PCDHGB5: variants seen among roughly 807,000 people sequenced by gnomAD.
PCDHGB5 encodes protocadherin gamma subfamily B, 5, also known as protocadherin gamma-B5.
PCDHGB5 carries 48 observed loss-of-function variants against 62.9 expected under a neutral mutation model. The observed-to-expected ratio is 0.76, with a 90% CI of 0.61 to 0.97. The LOEUF (loss-of-function observed/expected upper bound fraction) is 0.97, where lower values mean the gene tolerates loss of function less well. Among genes scored for constraint, PCDHGB5 ranks in the 50% least tolerant of loss-of-function variants. The pLI is 0.00. For missense variants in PCDHGB5, 1,118 were observed against 1,198.6 expected (o/e 0.93, Z 0.99); for synonymous variants, 474 against 511.2 (o/e 0.93, Z 0.98).
At chr5:141,448,707 G>A (rs1455790773) in intron 1 of PCDHGB5, among the ~76,000 whole-genome samples, 4 of 152,228 alleles carry the variant, frequency 2.6e-5, no homozygotes, top group South Asian at 2.1e-4. Flanking sequence ...TTGGGAGGCC[G>A]AGGCGGGAGG....
At chr5:141,421,824 A>G in intron 1 of PCDHGB5, 1 of 1,613,768 alleles carries the variant, frequency 6.2e-7, no homozygotes, top group Non-Finnish European at 8.5e-7. Flanking sequence ...TACTGGAGGG[A>G]AGCCTGGACC....
At position 141,486,783 on chromosome 5, in the gene PCDHGB5, C is replaced by A. The variant is rs905423670; in HGVS notation, c.2398-8024C>A. ...CAGACACTGCAGTTTGAGGTGCAGG[C>A]CCGGGATCGGGGCAACCCACCCCTT... On this transcript the variant is annotated intron_variant, in intron 1 of 3. Transcript: ENST00000617380. The surrounding 1 kb of genome is among the most constrained non-coding windows in gnomAD (Gnocchi z 5.0). 6.2e-7 allele frequency: 1 copy of A among 1,614,102 alleles called. No homozygotes were observed.
intron 1 of PCDHGB5, among the ~76,000 whole-genome samples, chr5:141,444,014 T>C (rs2098414038): frequency 6.6e-6 from 1 of 152,122 alleles, no homozygotes; most frequent in Admixed American, 6.6e-5. Flanking sequence ...GGGTATTGGC[T>C]TCTAAAAGGA....
At chr5:141,442,253 G>A (rs910914393) in intron 1 of PCDHGB5, 2 of 153,064 alleles carry the variant, frequency 1.3e-5, no homozygotes, top group Non-Finnish European at 2.9e-5. Flanking sequence ...TGCATTGTTT[G>A]TGCTGGTTTT....
chr5:141,445,272 T>C (rs1057201147), intron 1 of PCDHGB5, among the ~76,000 whole-genome samples: 1 of 152,236 alleles, frequency 6.6e-6, no homozygotes, highest in Non-Finnish European at 1.5e-5. Flanking sequence ...TCGAAACCAC[T>C]CTGCATAAGT....
At chr5:141,438,400 T>C (rs2154557880) in intron 1 of PCDHGB5, among the ~76,000 whole-genome samples, 1 of 151,918 alleles carries the variant, frequency 6.6e-6, no homozygotes, top group Non-Finnish European at 1.5e-5. Context: ...TCATTAACTC[T>C]CTGAAGTATT....
intron 1 of PCDHGB5, chr5:141,424,478 G>A (rs953233220): frequency 3.3e-5 from 5 of 151,898 alleles, no homozygotes; most frequent in Admixed American, 6.6e-5. Context: ...CTTTTACTTT[G>A]GTGTCTGTGT....
At position 141,491,825 on chromosome 5, in the gene PCDHGB5, C is replaced by A. The variant is rs948385010; in HGVS notation, c.2398-2982C>A. ...CGGCTTGGTCGCTGGCTGCGCTCCA[C>A]CCGATTCTCGGGATCATTGGACCGT... On this transcript the variant is annotated intron_variant, in intron 1 of 3. Coordinates refer to ENST00000617380, the MANE Select transcript of PCDHGB5 (RefSeq NM_018925.3). This position sits in a 1 kb window ranked among gnomAD's most constrained non-coding sequence, Gnocchi z 6.9. 145 of 1,478,052 alleles carry A rather than the reference C, an allele frequency of 9.8e-5. No homozygotes were observed. Among genetic ancestry groups the A allele is most frequent in the Non-Finnish European group, 1.3e-4 (142 of 1,114,822 alleles). 91.6% of individuals were successfully genotyped at this position (1,478,052 alleles called of 1,614,324 possible). A position where few individuals can be genotyped will look rare whatever the true frequency, so the allele number is the denominator to read the frequency against.
Position 141,398,744 on chromosome 5 carries a change from GTTACCATCGT to G in PCDHGB5, c.621_630del (p.Tyr207Ter), listed in dbSNP as rs765550213. The G allele has an allele frequency of 1.3e-4, 209 of 1,613,736 alleles. No individual in the cohort carries two copies. The highest frequency in any genetic ancestry group is 1.7e-4 in the Non-Finnish European group (204 of 1,179,910). On this transcript the variant is annotated frameshift_variant, in exon 1 of 4. Transcript: ENST00000617380. LOFTEE classifies it high-confidence loss of function. ...AAAACCTTAGACCGGGAACAACAGAGTTACCATCGTTTAGTCCTGACTGCCTTGGACGGTG... is the reference window on the plus strand; with the variant it reads ...AAAACCTTAGACCGGGAACAACAGAGTTAGTCCTGACTGCCTTGGACGGTG...
Position 141,398,495 on chromosome 5 carries a change from T to G in PCDHGB5, c.368T>G (p.Ile123Ser). 1.2e-6 allele frequency: 2 copies of G among 1,610,214 alleles called. No individual in the cohort carries two copies. Among genetic ancestry groups the G allele is most frequent in the Non-Finnish European group, 1.7e-6 (2 of 1,177,176 alleles). ...PLNFYHVNVE[I>S]EDINDHTPKF... ...AACTTTTATCACGTGAATGTGGAGA[T>G]CGAGGACATTAATGACCACACGCCA... The change falls in exon 1 of 4, where the codon ATC becomes AGC. Residue 123 changes from isoleucine (I) to serine (S), a missense_variant. Around this residue, in one of 2 missense-constraint regions of PCDHGB5, gnomAD observed 1,034 missense variants for 1,029.1 expected, o/e 1.00. Transcript: ENST00000617380.
At chr5:141,430,877 G>A (rs1392342627) in intron 1 of PCDHGB5, 5 of 1,600,678 alleles carry the variant, frequency 3.1e-6, no homozygotes, top group African/African-American at 2.7e-5. Context: ...GGAAGAGCTG[G>A]AGAAAGGCTC....
intron 1 of PCDHGB5, chr5:141,478,229 T>C: frequency 6.2e-7 from 1 of 1,614,074 alleles, no homozygotes; most frequent in Non-Finnish European, 8.5e-7. Flanking sequence ...TTCTGTGGGG[T>C]TTGTGGTCAC....
chr5:141,405,120 A>G (rs1223444295), intron 1 of PCDHGB5: 2 of 1,613,938 alleles, frequency 1.2e-6, no homozygotes, highest in Non-Finnish European at 1.7e-6. Context: ...CACTCCTCGC[A>G]TCTGCTGCGG....
At chr5:141,475,889 T>C in intron 1 of PCDHGB5, 1 of 562,248 alleles carries the variant, frequency 1.8e-6, no homozygotes, top group Non-Finnish European at 3.1e-6. Context: ...GCTGGGACTC[T>C]GTGTGCCGCT....
At chr5:141,449,349 G>C (rs191322076) in intron 1 of PCDHGB5, among the ~76,000 whole-genome samples, 2 of 152,074 alleles carry the variant, frequency 1.3e-5, no homozygotes, top group African/African-American at 4.8e-5. Flanking sequence ...GCTCACTCCT[G>C]TAATCCCAGC....
chr5:141,477,393 G>C lies in PCDHGB5; in HGVS notation c.2398-17414G>C. ...GAGACTGTGCCAGAATACAACCTCA[G>C]CATCACCGCCCGAGACGCCGGAACC... On this transcript the variant is annotated intron_variant, in intron 1 of 3. Coordinates refer to ENST00000617380, the MANE Select transcript of PCDHGB5 (RefSeq NM_018925.3). The surrounding 1 kb of genome is among the most constrained non-coding windows in gnomAD (Gnocchi z 4.9). The C allele has an allele frequency of 6.2e-7, 1 of 1,614,098 alleles. No individual in the cohort carries two copies. The highest frequency in any genetic ancestry group is 8.5e-7 in the Non-Finnish European group (1 of 1,180,028).
At chr5:141,414,829 T>C (rs746789783) in intron 1 of PCDHGB5, 18 of 1,614,078 alleles carry the variant, frequency 1.1e-5, no homozygotes, top group Non-Finnish European at 1.5e-5. Context: ...CAACGTGTCG[T>C]TGAGCCTGTT....
intron 1 of PCDHGB5, chr5:141,429,208 G>A (rs568951026): frequency 5.4e-4 from 77 of 142,568 alleles, no homozygotes; most frequent in African/African-American, 1.9e-3. Context: ...ACACACACGT[G>A]TGAAAAGTGG....
chr5:141,428,388 C>A, intron 1 of PCDHGB5: 1 of 506,160 alleles, frequency 2.0e-6, no homozygotes, highest in African/African-American at 1.9e-5. Flanking sequence ...GCTCTTCCAG[C>A]CCCTCTGCCT....
Sources: gnomAD v4.1 joint callset for allele counts (sites outside exome capture counted in the v4.1 genomes callset) on GRCh38, gnomAD v4.1.1 for gene constraint, gnomAD v4.1.1 regional missense constraint, Gnocchi (gnomAD v3.1) non-coding constraint, MANE v1.5 for transcripts, NCBI Gene and HGNC (gene_info 2026-07-23, HGNC 2026-07-21) for gene names.